The following TTN variants were observed in gnomAD, a reference collection of about 807,000 sequenced individuals.
TTN encodes the protein titin.
A neutral mutation model predicts 3,223.0 loss-of-function variants in TTN; 1,525 were observed. The observed-to-expected ratio is 0.47, with a 90% CI of 0.45 to 0.49. The LOEUF is 0.49. Among genes scored for constraint, TTN ranks in the 20% least tolerant of loss-of-function variants. TTN has a pLI of 0.00. For synonymous variants in TTN, 14,094 were observed against 15,161.0 expected (o/e 0.93, Z 5.17); for missense variants, 40,786 against 43,424.0 (o/e 0.94, Z 5.40).
At chr2:178,606,284 G>T (rs941227428) in intron 278 of TTN, among the ~76,000 whole-genome samples, 3 of 151,978 alleles carry the variant, frequency 2.0e-5, no homozygotes, top group African/African-American at 7.2e-5. Flanking sequence ...ACCAGAAGGA[G>T]TGGAAGCTCA....
rs775375219 is a variant in TTN, at chr2:178,587,085, G to C, written c.64093+33C>G. On this transcript the variant is annotated intron_variant, in intron 307 of 362. Coordinates refer to ENST00000589042, the MANE Select transcript of TTN (RefSeq NM_001267550.2). ...TTGACCTTGCTAAAATAGGAGACTG[G>C]GGTTAAAAGGAGGAAGAAAGCATAA... 1.1e-5 allele frequency: 17 copies of C among 1,610,204 alleles called. No homozygotes were observed. In the East Asian group the frequency reaches 2.7e-4, roughly 25 times the overall value.
chr2:178,588,218 C>T lies in TTN; in HGVS notation c.63189G>A (p.Glu21063=). The T allele has an allele frequency of 1.3e-6, 2 of 1,559,774 alleles. No homozygotes were observed. The highest frequency in any genetic ancestry group is 1.7e-6 in the Non-Finnish European group (2 of 1,150,172). Residue 21063 remains glutamate, a splice_region_variant and synonymous_variant, in exon 305 of 363, where the codon GAG becomes GAA. Coordinates refer to ENST00000589042, the MANE Select transcript of TTN (RefSeq NM_001267550.2). ...TGAAATTGGTTGGTGGACCAGGTGG[C>T]TCTGAAAGTAAAATATACATATAGT... ...SRPVVAKDPI[E]PPGPPTNFRV...
chr2:178,766,586 A>T lies in TTN; in HGVS notation c.9498T>A (p.Val3166=). The T allele has an allele frequency of 1.2e-6, 2 of 1,614,026 alleles. No homozygotes were observed. The highest frequency in any genetic ancestry group is 2.2e-5 in the East Asian group (1 of 44,850). The change falls in exon 41 of 363, where the codon GTT becomes GTA. Residue 3166 remains valine (V), a synonymous_variant. Transcript: ENST00000589042. The part of the protein sequence containing the change: ...VQVIEKQRAV[V]EFEVNEDDVD... ...CATCGTCTTCATTGACCTCAAATTC[A>T]ACAACAGCACGCTGTTTCTCAATGA...
At chr2:178,716,954 G>T (rs1340821485) in intron 88 of TTN, 141 bp downstream of exon 88, 7 of 819,628 alleles carry the variant, frequency 8.5e-6, no homozygotes, top group Non-Finnish European at 1.0e-5. Flanking sequence ...TCTCCATTTG[G>T]AAGGTCCTTG....
In TTN at chr2:178,632,274, C is replaced by T. The variant is rs373053512; in HGVS notation, c.43620G>A (p.Arg14540=). Reference sequence around the variant, plus strand: ...TCCCTTCGTCTTGCATTGAGACCGACCTGGTGGTGTGTAGGCGCTGGTCAT... The same window carrying T: ...TCCCTTCGTCTTGCATTGAGACCGATCTGGTGGTGTGTAGGCGCTGGTCAT... ...FKNDQRLHTT[R]SVSMQDEGKT... Residue 14540 remains arginine, a synonymous_variant, in exon 236 of 363, where the codon AGG becomes AGA. Transcript: ENST00000589042. The T allele has an allele frequency of 2.5e-6, 4 of 1,609,898 alleles. No individual in the cohort carries two copies. In the Admixed American group the frequency reaches 6.7e-5, roughly 27 times the overall value.
chr2:178,676,344 T>C (rs2068069850), intron 147 of TTN, among the ~76,000 whole-genome samples: 1 of 151,936 alleles, frequency 6.6e-6, no homozygotes, highest in Non-Finnish European at 1.5e-5. Context: ...TTCTGAATCG[T>C]TGATATCCAA....
At chr2:178,583,452 TTA>T (rs2048234164) in intron 312 of TTN, 153 bp downstream of exon 312, 2 of 931,186 alleles carry the variant, frequency 2.1e-6, no homozygotes, top group Non-Finnish European at 1.5e-6. Context: ...TAGCATGTTA[TTA>T]TGATTCTCCA....
At chr2:178,770,830 T>C (rs2091363817) in intron 34 of TTN, 155 bp from the exon 35 acceptor site, 2 of 996,294 alleles carry the variant, frequency 2.0e-6, no homozygotes, top group Non-Finnish European at 3.2e-6. Flanking sequence ...ACACCTGAGA[T>C]TATTTAGGGG....
chr2:178,609,117 GTCCCATTTC>G (rs2055663955), intron 273 of TTN, 82 bp downstream of exon 273: 1 of 1,371,864 alleles, frequency 7.3e-7, no homozygotes, highest in Non-Finnish European at 9.6e-7. Context: ...CTGAAGCTAT[GTCCCATTTC>G]TTTTAACTCT....
In TTN at chr2:178,706,845, T is replaced by C. The variant is rs770323107; in HGVS notation, c.29134+17A>G. On this transcript the variant is annotated intron_variant, in intron 101 of 362. Coordinates refer to ENST00000589042, the MANE Select transcript of TTN (RefSeq NM_001267550.2). ...TATAAGATAGATGAAGATGTACTTC[T>C]CATGAAGTGCACTTACTTTCTACGA... The C allele has an allele frequency of 6.2e-7, 1 of 1,608,738 alleles. No homozygotes were observed. Among genetic ancestry groups the C allele is most frequent in the Admixed American group, 1.7e-5 (1 of 59,684 alleles).
chr2:178,733,943 A>C, intron 52 of TTN, 51 bp from the exon 53 acceptor site: 1 of 1,490,686 alleles, frequency 6.7e-7, no homozygotes, highest in South Asian at 1.4e-5. Flanking sequence ...AAACACTTTC[A>C]ACACCATCTA....
In TTN at chr2:178,543,317, A is replaced by G. The variant is rs1296604161; in HGVS notation, c.96656T>C (p.Val32219Ala). The G allele has an allele frequency of 6.2e-7, 1 of 1,613,838 alleles. No individual in the cohort carries two copies. Among genetic ancestry groups the G allele is most frequent in the Non-Finnish European group, 8.5e-7 (1 of 1,179,794 alleles). ...LEVVDVTKSTVTLAWEKPLYD... is the reference protein window; with the variant it reads ...LEVVDVTKSTATLAWEKPLYD... ...GAGTGGTTTTTCCCAGGCAAGGGTAACAGTGGATTTGGTGACATCGACCAC... is the reference window on the plus strand; with the variant it reads ...GAGTGGTTTTTCCCAGGCAAGGGTAGCAGTGGATTTGGTGACATCGACCAC... Residue 32219 changes from valine to alanine, a missense_variant, in exon 347 of 363, where the codon GTT (valine) becomes GCT (alanine). Coordinates refer to ENST00000589042, the MANE Select transcript of TTN (RefSeq NM_001267550.2).
chr2:178,704,770 G>A lies in TTN; in HGVS notation c.29702C>T (p.Thr9901Ile). 6.2e-7 allele frequency: 1 copy of A among 1,609,514 alleles called. No individual in the cohort carries two copies. The highest frequency in any genetic ancestry group is 1.1e-5 in the South Asian group (1 of 90,760). Residue 9901 changes from threonine (T) to isoleucine (I), a missense_variant, in exon 105 of 363, where the codon ACT becomes ATT. Coordinates refer to ENST00000589042, the MANE Select transcript of TTN (RefSeq NM_001267550.2). Reference protein sequence around the residue: ...QQRLSQTEPVTLIKDIENQTV... With the variant: ...QQRLSQTEPVILIKDIENQTV... ...CTGATTTTCAATGTCCTTGATCAGA[G>A]TGACAGGCTAGGAGAATAAAGAATT...
chr2:178,540,333 A>G lies in TTN; in HGVS notation c.97833T>C (p.Asp32611=), dbSNP rs1693791654. The G allele has an allele frequency of 2.5e-6, 4 of 1,613,650 alleles. No individual in the cohort carries two copies. The highest frequency in any genetic ancestry group is 3.4e-6 in the Non-Finnish European group (4 of 1,179,630). ...PGKPQNPRVT[D]TTRTSVSLAW... ...CCAGGGAGACTGATGTCCTTGTTGT[A>G]TCAGTAACTCTTGGGTTTTGTGGCT... The change falls in exon 351 of 363, where the codon GAT becomes GAC. Residue 32611 remains aspartate, a synonymous_variant. Transcript: ENST00000589042.
rs2047448209 is a variant in TTN, at chr2:178,580,499, T to A, written c.66880A>T (p.Thr22294Ser). ...PVKGRPPPKI[T>S]WSKPNVNLRD... ...AGATTGACATTTGGTTTAGACCAAGTAATCTTTGGAGGTGGGCGTCCTTTT... is the reference window on the plus strand; with the variant it reads ...AGATTGACATTTGGTTTAGACCAAGAAATCTTTGGAGGTGGGCGTCCTTTT... The change falls in exon 317 of 363, where the codon ACT (threonine) becomes TCT (serine). Residue 22294 changes from threonine to serine, a missense_variant. Physicochemically the swap from Thr to Ser is moderately conservative, Grantham distance 58. Coordinates refer to ENST00000589042, the MANE Select transcript of TTN (RefSeq NM_001267550.2). The A allele has an allele frequency of 1.9e-6, 3 of 1,613,002 alleles. No homozygotes were observed. The highest frequency in any genetic ancestry group is 2.2e-5 in the South Asian group (2 of 91,050).
rs773169301 is a variant in TTN, at chr2:178,710,846, C to T, written c.28251G>A (p.Glu9417=). 1 of 1,613,866 alleles carries T rather than the reference C, an allele frequency of 6.2e-7. No homozygotes were observed. The highest frequency in any genetic ancestry group is 1.7e-4 in the Middle Eastern group (1 of 6,060). The change falls in exon 98 of 363, where the codon GAG becomes GAA. Residue 9417 remains glutamate (E), a synonymous_variant. Coordinates refer to ENST00000589042, the MANE Select transcript of TTN (RefSeq NM_001267550.2). ...DAVVGESADF[E]CHVTGTQPIK... Reference sequence around the variant, plus strand: ...TCGGTTGTGTGCCCGTGACGTGGCACTCAAAGTCAGCACTTTCTCCCACCA... The same window carrying T: ...TCGGTTGTGTGCCCGTGACGTGGCATTCAAAGTCAGCACTTTCTCCCACCA...
Position 178,753,894 on chromosome 2 carries a change from C to T in TTN, c.11255-714G>A, listed in dbSNP as rs551609738. On this transcript the variant is annotated intron_variant, in intron 46 of 362. Transcript: ENST00000589042. The stretch of plus-strand genomic sequence containing the variant: ...ATGACAAACTTGATGTTTTCTTTGA[C>T]GATTCTCTTTTTACTTCACGGGTTG... 3 of 152,162 alleles carry T rather than the reference C, an allele frequency of 2.0e-5. No individual in the cohort carries two copies. The highest frequency in any genetic ancestry group is 2.9e-5 in the Non-Finnish European group (2 of 67,984). The allele number at this position is 152,162 out of a possible 1,614,324, so 9.4% of individuals were successfully genotyped here. A position where few individuals can be genotyped will look rare whatever the true frequency, so the allele number is the denominator to read the frequency against.
chr2:178,730,032 G>A (rs1006985058), intron 62 of TTN, 61 bp downstream of exon 62: 24 of 753,002 alleles, frequency 3.2e-5, no homozygotes, highest in East Asian at 9.7e-5. Flanking sequence ...CCCCCGCCCC[G>A]GCCCACCCCA....
chr2:178,683,969 T>C (rs77520230), intron 133 of TTN, 30 bp downstream of exon 133: 9 of 164,030 alleles, frequency 5.5e-5, no homozygotes, highest in Non-Finnish European at 9.2e-5. Context: ...CTTATTTTGA[T>C]TTTTTTTTTT....
Sources: gnomAD v4.1 joint callset for allele counts (sites outside exome capture counted in the v4.1 genomes callset) on GRCh38, gnomAD v4.1.1 for gene constraint, MANE v1.5 for transcripts, NCBI Gene and HGNC (gene_info 2026-07-23, HGNC 2026-07-21) for gene names.